Variants in CDC14B observed in about 807,000 individuals in gnomAD.
The protein encoded by CDC14B is cell division cycle 14B.
CDC14B carries 22 observed loss-of-function variants against 64.2 expected under a neutral mutation model. That is an observed-to-expected ratio of 0.34 (90% confidence interval 0.24 to 0.49). The LOEUF (loss-of-function observed/expected upper bound fraction) is 0.49. Ranked by LOEUF, CDC14B falls within the 20% of genes least tolerant of loss-of-function variation. The pLI is 0.99. For synonymous variants in CDC14B, 191 were observed against 215.8 expected (o/e 0.89, Z 1.01); for missense variants, 498 against 629.9 (o/e 0.79, Z 2.24).
intron 5 of CDC14B, among the ~76,000 whole-genome samples, chr9:96,548,278 A>G (rs1020313813): frequency 3.3e-5 from 5 of 152,208 alleles, no homozygotes; most frequent in Admixed American, 6.5e-5. Context: ...GAAAACAGGA[A>G]GCAGAGGCAA....
chr9:96,493,794 C>T (rs1833145453), intron 13 of CDC14B, among the ~76,000 whole-genome samples: 1 of 152,178 alleles, frequency 6.6e-6, no homozygotes, highest in South Asian at 2.1e-4. Flanking sequence ...CACTGCACTC[C>T]AGCCTGGGTG....
intron 12 of CDC14B, chr9:96,514,951 T>G (rs1313487536): frequency 1.3e-5 from 13 of 984,784 alleles, no homozygotes; most frequent in Non-Finnish European, 1.4e-5. Flanking sequence ...TGGCTATGTC[T>G]GGGCAAGGAG....
chr9:96,543,650 C>T (rs1157260886), intron 5 of CDC14B, among the ~76,000 whole-genome samples: 2 of 152,136 alleles, frequency 1.3e-5, no homozygotes, highest in Non-Finnish European at 2.9e-5. Flanking sequence ...GCACCCCGAC[C>T]CCTACCCTGC....
chr9:96,544,372 C>T (rs1339792261), intron 5 of CDC14B, among the ~76,000 whole-genome samples: 1 of 152,090 alleles, frequency 6.6e-6, no homozygotes, highest in Non-Finnish European at 1.5e-5. Flanking sequence ...ACCTTAAGGG[C>T]CAAAACTACA....
At chr9:96,595,903 A>G (rs1846041817) in intron 1 of CDC14B, among the ~76,000 whole-genome samples, 1 of 152,202 alleles carries the variant, frequency 6.6e-6, no homozygotes, top group Non-Finnish European at 1.5e-5. Context: ...ACACAACTCT[A>G]CAAATACTCC....
intron 1 of CDC14B, among the ~76,000 whole-genome samples, chr9:96,606,881 T>A (rs537477189): frequency 1.3e-5 from 2 of 152,020 alleles, no homozygotes; most frequent in African/African-American, 2.4e-5. Context: ...ATAATTTTTT[T>A]AAAAATTAGC....
chr9:96,512,094 C>T (rs1434104578), intron 12 of CDC14B, among the ~76,000 whole-genome samples: 1 of 151,272 alleles, frequency 6.6e-6, no homozygotes, highest in Non-Finnish European at 1.5e-5. Flanking sequence ...TGGGGCGTGC[C>T]TTGGTTCCAG....
At chr9:96,514,584 A>C (rs1291097830) in intron 12 of CDC14B, 2 of 985,322 alleles carry the variant, frequency 2.0e-6, no homozygotes, top group African/African-American at 3.5e-5. Flanking sequence ...TGAAACCACA[A>C]AGTACCAGAG....
intron 13 of CDC14B, among the ~76,000 whole-genome samples, chr9:96,505,517 C>T (rs115091191): frequency 0.01 from 1,558 of 152,308 alleles, 20 homozygotes; most frequent in African/African-American, 0.035. Context: ...GGCTCTCACT[C>T]GGGGCATGAT....
intron 1 of CDC14B, among the ~76,000 whole-genome samples, chr9:96,592,644 G>A (rs896925158): frequency 9.2e-5 from 14 of 152,006 alleles, no homozygotes; most frequent in Non-Finnish European, 1.9e-4. Context: ...ATGGTGGTGG[G>A]TGCCTGTAGT....
chr9:96,608,909 AC>A (rs1847137801), intron 1 of CDC14B, among the ~76,000 whole-genome samples: 2 of 152,024 alleles, frequency 1.3e-5, no homozygotes, highest in Admixed American at 1.3e-4. Flanking sequence ...ACACACACAC[AC>A]ACACACACAC....
At position 96,503,214 on chromosome 9, in the gene CDC14B, G is replaced by A; in HGVS notation, c.*539C>T. On this transcript the variant is annotated 3_prime_UTR_variant, in exon 14 of 14. Transcript: ENST00000375241. ...CTCTTTGGTGGAAGACAAGCAGCTT[G>A]GGTACTTAACAGAGTTAACATTACA... 3.7e-6 allele frequency: 1 copy of A among 267,674 alleles called. No homozygotes were observed. The highest frequency in any genetic ancestry group is 6.9e-6 in the Non-Finnish European group (1 of 144,090). The allele number at this position is 267,674 out of a possible 1,614,324, so 16.6% of individuals were successfully genotyped here. A position where few individuals can be genotyped will look rare whatever the true frequency, so the allele number is the denominator to read the frequency against.
At position 96,522,613 on chromosome 9, in the gene CDC14B, T is replaced by TA. The variant is rs1202118074; in HGVS notation, c.1246-11dup. The TA allele has an allele frequency of 1.3e-6, 2 of 1,552,102 alleles. No homozygotes were observed. Among genetic ancestry groups the TA allele is most frequent in the African/African-American group, 1.4e-5 (1 of 73,700 alleles). On this transcript the variant is annotated splice_polypyrimidine_tract_variant and intron_variant, in intron 11 of 13. Coordinates refer to ENST00000375241, the MANE Select transcript of CDC14B (RefSeq NM_033331.4). ...CGTCATCATCACTGTACTGTGTAAG[T>TA]AAAAAAACACTGAGCTAATGATTTA...
At chr9:96,553,136 A>G (rs1305508446) in intron 4 of CDC14B, among the ~76,000 whole-genome samples, 1 of 152,190 alleles carries the variant, frequency 6.6e-6, no homozygotes, top group African/African-American at 2.4e-5. Flanking sequence ...TAAATGTTTA[A>G]TAAAAGTTGA....
At chr9:96,581,500 T>TTAA in intron 1 of CDC14B, among the ~76,000 whole-genome samples, 1 of 151,420 alleles carries the variant, frequency 6.6e-6, no homozygotes, top group African/African-American at 2.4e-5. Flanking sequence ...ATTAATTAAA[T>TTAA]TTAAAAAATT....
intron 1 of CDC14B, among the ~76,000 whole-genome samples, chr9:96,612,282 G>A (rs1025105498): frequency 6.6e-6 from 1 of 152,312 alleles, no homozygotes. Flanking sequence ...AACCTTTTGT[G>A]CAAGTACACG....
chr9:96,523,813 C>T lies in CDC14B; in HGVS notation c.947-88G>A, dbSNP rs535761277. On this transcript the variant is annotated intron_variant, in intron 9 of 13. Transcript: ENST00000375241. ...CAGGCAGAATTTTTTTAAAAGGCTTCTCATGACTCTGCTTCTTTCAATAGT... is the reference window on the plus strand; with the variant it reads ...CAGGCAGAATTTTTTTAAAAGGCTTTTCATGACTCTGCTTCTTTCAATAGT... The T allele has an allele frequency of 5.1e-5, 67 of 1,325,534 alleles. No homozygotes were observed. The South Asian group carries it at 8.8e-4, about 17-fold the overall frequency. 82.1% of individuals were successfully genotyped at this position (1,325,534 alleles called of 1,614,324 possible).
chr9:96,551,295 AT>A (rs1052745632), intron 5 of CDC14B, among the ~76,000 whole-genome samples: 21 of 151,306 alleles, frequency 1.4e-4, no homozygotes, highest in African/African-American at 5.1e-4. Context: ...TTTTTTTAAA[AT>A]TTTTTTATAG....
chr9:96,598,008 T>G (rs1846197835), intron 1 of CDC14B, among the ~76,000 whole-genome samples: 1 of 152,194 alleles, frequency 6.6e-6, no homozygotes, highest in African/African-American at 2.4e-5. Flanking sequence ...TAGAAAAGAT[T>G]AACAGAGTCA....
Sources: gnomAD v4.1 joint callset for allele counts (sites outside exome capture counted in the v4.1 genomes callset) on GRCh38, gnomAD v4.1.1 for gene constraint, MANE v1.5 for transcripts, NCBI Gene and HGNC (gene_info 2026-07-23, HGNC 2026-07-21) for gene names.